CTNND2: variants seen among roughly 807,000 people sequenced by gnomAD.
CTNND2 encodes catenin delta-2.
In CTNND2, 22 loss-of-function variants were observed where a neutral mutation model predicts 144.4. The observed-to-expected ratio is 0.15, with a 90% confidence interval of 0.11 to 0.22. The LOEUF is 0.22. Among genes scored for constraint, CTNND2 ranks in the 10% least tolerant of loss-of-function variants. CTNND2 has a pLI of 1.00. For missense variants in CTNND2, 1,353 were observed against 1,618.8 expected, an observed-to-expected ratio of 0.84 and a Z score of 2.82; for synonymous variants, 751 against 695.6, an observed-to-expected ratio of 1.08 and a Z score of -1.25.
chr5:11,184,127 T>C lies in CTNND2; in HGVS notation c.1975+15321A>G, dbSNP rs533711444. 4.2e-4 allele frequency among the ~76,000 whole-genome samples: 64 copies of C among 152,330 alleles called. 1 individual carries two copies. The highest frequency in any genetic ancestry group is 1.5e-3 in the African/African-American group (61 of 41,580). On this transcript the variant is annotated intron_variant, in intron 11 of 21. Transcript: ENST00000304623. ...GAAATCAGTATCTCGCAGTCTTAGA[T>C]TTCCATGCATATTACTGCCTCTCAC...
chr5:11,081,086 A>ACACACACACACACT (rs1554039102), intron 16 of CTNND2, among the ~76,000 whole-genome samples: 17 of 148,396 alleles, frequency 1.1e-4, no homozygotes, highest in Non-Finnish European at 1.5e-4. Context: ...ACACACACAC[A>ACACACACACACACT]CACACACACA....
At chr5:11,525,000 G>A (rs1264351127) in intron 3 of CTNND2, among the ~76,000 whole-genome samples, 1 of 152,032 alleles carries the variant, frequency 6.6e-6, no homozygotes, top group South Asian at 2.1e-4. Flanking sequence ...AATTTAAATC[G>A]AATATTTAAC....
chr5:11,837,726 A>C (rs930132386), intron 1 of CTNND2, among the ~76,000 whole-genome samples: 1 of 152,090 alleles, frequency 6.6e-6, no homozygotes, highest in Non-Finnish European at 1.5e-5. Flanking sequence ...AGACTTGTGA[A>C]TCTGTTTTTT....
intron 3 of CTNND2, among the ~76,000 whole-genome samples, chr5:11,464,551 A>G (rs1281813303): frequency 1.3e-5 from 2 of 152,142 alleles, no homozygotes; most frequent in African/African-American, 2.4e-5. Flanking sequence ...TACTCTGAGT[A>G]TCCTCAGAGG....
intron 2 of CTNND2, among the ~76,000 whole-genome samples, chr5:11,635,143 T>C (rs1481992749): frequency 6.6e-6 from 1 of 152,116 alleles, no homozygotes; most frequent in Non-Finnish European, 1.5e-5. Context: ...GGCATGTTTT[T>C]AGGTAAAGAA....
intron 9 of CTNND2, among the ~76,000 whole-genome samples, chr5:11,304,545 TA>T (rs1485474660): frequency 6.6e-6 from 1 of 152,212 alleles, no homozygotes. Context: ...CTAAAAAATA[TA>T]AAACTACAAA....
chr5:11,444,021 A>C (rs1160966977), intron 3 of CTNND2, among the ~76,000 whole-genome samples: 1 of 152,234 alleles, frequency 6.6e-6, no homozygotes, highest in Non-Finnish European at 1.5e-5. Flanking sequence ...CTCCATCAGC[A>C]GTGCAGAATG....
At chr5:11,151,551 G>A (rs1757759595) in intron 12 of CTNND2, among the ~76,000 whole-genome samples, 1 of 152,112 alleles carries the variant, frequency 6.6e-6, no homozygotes, top group South Asian at 2.1e-4. Context: ...AAATATTCAT[G>A]TCTTCATAGG....
At chr5:11,612,856 T>C (rs889689728) in intron 2 of CTNND2, among the ~76,000 whole-genome samples, 1 of 152,130 alleles carries the variant, frequency 6.6e-6, no homozygotes, top group South Asian at 2.1e-4. Flanking sequence ...GCTATGATAG[T>C]TCCACTGCAC....
intron 2 of CTNND2, among the ~76,000 whole-genome samples, chr5:11,631,109 G>A (rs866215714): frequency 1.3e-5 from 2 of 151,986 alleles, no homozygotes; most frequent in East Asian, 1.9e-4. Context: ...CCTTAGTGGG[G>A]GAAAAGAAAG....
chr5:11,510,930 CAAA>C (rs58275679), intron 3 of CTNND2, among the ~76,000 whole-genome samples: 4 of 144,036 alleles, frequency 2.8e-5, no homozygotes, highest in Admixed American at 7.0e-5. Context: ...GACTCTATCT[CAAA>C]AAAAAAAAAA....
intron 16 of CTNND2, among the ~76,000 whole-genome samples, chr5:11,081,072 TCACACACACACACACA>T (rs55951127): frequency 6.9e-6 from 1 of 145,080 alleles, no homozygotes; most frequent in South Asian, 2.3e-4. Flanking sequence ...TGAGACCCTG[TCACACACACACACACA>T]CACACACACA....
chr5:11,860,316 C>T (rs1183134693), intron 1 of CTNND2, among the ~76,000 whole-genome samples: 4 of 152,146 alleles, frequency 2.6e-5, no homozygotes, highest in East Asian at 1.9e-4. Context: ...TGGACAACTC[C>T]GTTCTTAGTA....
At chr5:11,066,135 G>T (rs1351571521) in intron 16 of CTNND2, among the ~76,000 whole-genome samples, 1 of 151,724 alleles carries the variant, frequency 6.6e-6, no homozygotes, top group East Asian at 1.9e-4. Context: ...CGTCTCCTGG[G>T]TTTAAGAGAT....
At chr5:11,307,912 A>G (rs912237932) in intron 9 of CTNND2, among the ~76,000 whole-genome samples, 25 of 152,148 alleles carry the variant, frequency 1.6e-4, no homozygotes, top group African/African-American at 5.8e-4. Context: ...TTAGGTTATG[A>G]GAGTAGACCA....
intron 7 of CTNND2, among the ~76,000 whole-genome samples, chr5:11,376,591 C>A (rs1367974048): frequency 6.6e-6 from 1 of 152,130 alleles, no homozygotes; most frequent in Non-Finnish European, 1.5e-5. Context: ...GACTGGCAGT[C>A]TTCCTTCAGA....
intron 18 of CTNND2, among the ~76,000 whole-genome samples, chr5:10,996,681 C>G (rs1579987979): frequency 6.6e-6 from 1 of 152,156 alleles, no homozygotes; most frequent in Non-Finnish European, 1.5e-5. Flanking sequence ...TCGCTGCAAA[C>G]TCCACCTCCT....
At chr5:11,665,843 G>T (rs1431758782) in intron 2 of CTNND2, among the ~76,000 whole-genome samples, 1 of 152,036 alleles carries the variant, frequency 6.6e-6, no homozygotes, top group Admixed American at 6.6e-5. Flanking sequence ...GACCACAAGG[G>T]TTATCCTCCT....
At chr5:11,142,904 T>C (rs1311917517) in intron 12 of CTNND2, among the ~76,000 whole-genome samples, 1 of 152,154 alleles carries the variant, frequency 6.6e-6, no homozygotes, top group Admixed American at 6.5e-5. Flanking sequence ...TAAACTCTTT[T>C]ATTAGCCAAC....
Sources: allele counts gnomAD v4.1 joint callset (sites outside exome capture counted in the v4.1 genomes callset), GRCh38; gene constraint gnomAD v4.1.1; transcripts MANE v1.5; gene names NCBI Gene and HGNC (gene_info 2026-07-23, HGNC 2026-07-21).